Variants in GALM observed in about 807,000 individuals in gnomAD.
GALM encodes aldose 1-epimerase.
In GALM, 43 loss-of-function variants were observed where a neutral mutation model predicts 37.4. The ratio of observed to expected loss-of-function variants is 1.15; its 90% CI spans 0.90 to 1.48. The LOEUF is 1.48. GALM is among the 40% of genes most tolerant of loss of function. GALM has a pLI of 0.00. For missense variants in GALM, 456 were observed against 419.1 expected (o/e 1.09, Z -0.77); for synonymous variants, 199 against 170.6 (o/e 1.17, Z -1.30).
At chr2:38,696,734 A>T (rs1665814039) in intron 4 of GALM, among the ~76,000 whole-genome samples, 1 of 147,950 alleles carries the variant, frequency 6.8e-6, no homozygotes, top group African/African-American at 2.5e-5. Flanking sequence ...AGCATCCCAA[A>T]GTGCTAGGAT....
At chr2:38,732,059 C>A in intron 6 of GALM, 150 bp downstream of exon 6, 1 of 735,444 alleles carries the variant, frequency 1.4e-6, no homozygotes, top group Non-Finnish European at 2.2e-6. Context: ...TCACTCTTGT[C>A]GCCTAGGCTG....
At chr2:38,699,235 T>C (rs1020331016) in intron 4 of GALM, among the ~76,000 whole-genome samples, 1 of 152,190 alleles carries the variant, frequency 6.6e-6, no homozygotes, top group Admixed American at 6.5e-5. Context: ...TATTTTTAAT[T>C]GATACCTAAT....
At chr2:38,722,310 C>A (rs1666399722) in intron 4 of GALM, among the ~76,000 whole-genome samples, 1 of 152,156 alleles carries the variant, frequency 6.6e-6, no homozygotes, top group South Asian at 2.1e-4. Flanking sequence ...CCCCCTACAC[C>A]CTCCACAGCT....
intron 4 of GALM, among the ~76,000 whole-genome samples, chr2:38,706,481 C>T (rs547852359): frequency 2.1e-5 from 3 of 145,990 alleles, no homozygotes; most frequent in African/African-American, 7.6e-5. Context: ...TCGAGACCAG[C>T]CTGGGCAACA....
intron 4 of GALM, among the ~76,000 whole-genome samples, chr2:38,702,014 G>A (rs927626159): frequency 6.6e-6 from 1 of 151,996 alleles, no homozygotes; most frequent in Non-Finnish European, 1.5e-5. Context: ...TCTCAAATCT[G>A]TCTCCTCAGT....
At chr2:38,733,446 C>T (rs1166147217) in intron 6 of GALM, 42 bp from the exon 7 acceptor site, 5 of 1,522,022 alleles carry the variant, frequency 3.3e-6, no homozygotes, top group African/African-American at 1.4e-5. Flanking sequence ...AATGTTGCAG[C>T]CTGCGGTGTC....
intron 4 of GALM, among the ~76,000 whole-genome samples, chr2:38,707,009 G>C (rs970401376): frequency 6.6e-6 from 1 of 151,870 alleles, no homozygotes; most frequent in African/African-American, 2.4e-5. Context: ...GCATAGATGA[G>C]GAAGCAGGAA....
intron 4 of GALM, among the ~76,000 whole-genome samples, chr2:38,721,338 C>A (rs1227453139): frequency 6.6e-6 from 1 of 152,200 alleles, no homozygotes; most frequent in African/African-American, 2.4e-5. Flanking sequence ...AGATCTACTT[C>A]ATCTTCTTGC....
intron 1 of GALM, among the ~76,000 whole-genome samples, chr2:38,673,103 G>A (rs1245197306): frequency 2.0e-5 from 3 of 152,190 alleles, no homozygotes; most frequent in South Asian, 2.1e-4. Context: ...AGCAAACCAG[G>A]AAAGGCCTGG....
intron 2 of GALM, among the ~76,000 whole-genome samples, chr2:38,679,425 G>A (rs1665340630): frequency 6.6e-6 from 1 of 151,948 alleles, no homozygotes; most frequent in Admixed American, 6.6e-5. Context: ...AACTCAATTT[G>A]CTCATCTGTA....
At chr2:38,668,017 T>A (rs149701903) in intron 1 of GALM, among the ~76,000 whole-genome samples, 1 of 152,240 alleles carries the variant, frequency 6.6e-6, no homozygotes, top group East Asian at 1.9e-4. Flanking sequence ...CTCACTCTAT[T>A]AGCAACAGAT....
At position 38,708,922 on chromosome 2, in the gene GALM, C is replaced by T. The variant is rs181911017; in HGVS notation, c.634+19028C>T. 1.3e-3 allele frequency among the ~76,000 whole-genome samples: 200 copies of T among 152,096 alleles called. 1 individual carries two copies. Among genetic ancestry groups the T allele is most frequent in the African/African-American group, 4.7e-3 (193 of 41,462 alleles). ...GAGGAATCCAGGGAAGGCTTGAGAC[C>T]GTGAATCTGTGGTGGCCTCTGCCGG... On this transcript the variant is annotated intron_variant, in intron 4 of 6. Coordinates refer to ENST00000272252, the MANE Select transcript of GALM (RefSeq NM_138801.3).
At chr2:38,721,867 G>T (rs912918532) in intron 4 of GALM, among the ~76,000 whole-genome samples, 4 of 152,018 alleles carry the variant, frequency 2.6e-5, no homozygotes, top group Non-Finnish European at 4.4e-5. Context: ...ACCCTTCTCA[G>T]CTGCTCACTT....
Position 38,714,954 on chromosome 2 carries a change from G to T in GALM, c.635-14602G>T, listed in dbSNP as rs566548659. Among the ~76,000 whole-genome samples, 4 of 152,270 alleles carry T rather than the reference G, an allele frequency of 2.6e-5. No individual in the cohort carries two copies. The South Asian group carries it at 8.3e-4, about 32-fold the overall frequency. ...TAATCTGTCCAATGCTGAGAAAGGG[G>T]TTCTCAACTATGATTGTACTGGGGC... On this transcript the variant is annotated intron_variant, in intron 4 of 6. Coordinates refer to ENST00000272252, the MANE Select transcript of GALM (RefSeq NM_138801.3).
chr2:38,689,745 A>G (rs183292522), intron 3 of GALM, 68 bp from the exon 4 acceptor site: 31 of 929,644 alleles, frequency 3.3e-5, no homozygotes, highest in African/African-American at 1.3e-4. Context: ...TTTTTGCAAG[A>G]TAAGTTAAAA....
At chr2:38,708,922 C>G (rs181911017) in intron 4 of GALM, among the ~76,000 whole-genome samples, 2 of 151,982 alleles carry the variant, frequency 1.3e-5, no homozygotes, top group Non-Finnish European at 2.9e-5. Flanking sequence ...GGCTTGAGAC[C>G]GTGAATCTGT....
At position 38,671,932 on chromosome 2, in the gene GALM, G is replaced by A. The variant is rs560437226; in HGVS notation, c.191-3980G>A. On this transcript the variant is annotated intron_variant, in intron 1 of 6. Coordinates refer to ENST00000272252, the MANE Select transcript of GALM (RefSeq NM_138801.3). ...AGCCTGGAGGTCAAGGCTGCAATGA[G>A]CCGTGATGGCACCACTGCACTCCAG... Among the ~76,000 whole-genome samples, 682 of 152,138 alleles carry A rather than the reference G, an allele frequency of 4.5e-3. 10 individuals are homozygous for A. The highest frequency in any genetic ancestry group is 0.016 in the African/African-American group (658 of 41,496).
chr2:38,712,941 CCT>C (rs1666199765), intron 4 of GALM, among the ~76,000 whole-genome samples: 6 of 152,200 alleles, frequency 3.9e-5, no homozygotes, highest in Admixed American at 3.3e-4. Context: ...TGATTTCTCC[CCT>C]CTCTCCTTTC....
intron 1 of GALM, among the ~76,000 whole-genome samples, chr2:38,674,055 G>C (rs1314983977): frequency 2.0e-5 from 3 of 152,034 alleles, no homozygotes; most frequent in African/African-American, 7.2e-5. Context: ...TGTTAATAGT[G>C]GTTACCATTG....
Sources: gnomAD v4.1 joint callset for allele counts (sites outside exome capture counted in the v4.1 genomes callset) on GRCh38, gnomAD v4.1.1 for gene constraint, MANE v1.5 for transcripts, NCBI Gene and HGNC (gene_info 2026-07-23, HGNC 2026-07-21) for gene names.